Variants in BRAF observed in about 807,000 individuals in gnomAD.
The protein encoded by BRAF is serine/threonine-protein kinase B-raf.
A neutral mutation model predicts 104.6 loss-of-function variants in BRAF; 16 were observed. The observed-to-expected ratio is 0.15, with a 90% CI of 0.10 to 0.23. The LOEUF (loss-of-function observed/expected upper bound fraction) is 0.23, where lower values mean the gene tolerates loss of function less well. Ranked by LOEUF, BRAF falls within the 10% of genes least tolerant of loss-of-function variation. BRAF has a pLI of 1.00. For synonymous variants in BRAF, 310 were observed against 341.6 expected, an observed-to-expected ratio of 0.91 and a Z score of 1.02; for missense variants, 541 against 937.3, an observed-to-expected ratio of 0.58 and a Z score of 5.52.
chr7:140,919,687 G>T (rs995272053), intron 1 of BRAF, among the ~76,000 whole-genome samples: 1 of 151,938 alleles, frequency 6.6e-6, no homozygotes, highest in African/African-American at 2.4e-5. Context: ...AACAAATGAG[G>T]CTATATTTTT....
chr7:140,875,037 A>G (rs1400010335), intron 1 of BRAF, among the ~76,000 whole-genome samples: 1 of 152,136 alleles, frequency 6.6e-6, no homozygotes, highest in African/African-American at 2.4e-5. Flanking sequence ...AGAATCTGCT[A>G]TGTTTCCCGT....
chr7:140,821,573 G>A (rs1805493561), intron 3 of BRAF, among the ~76,000 whole-genome samples: 1 of 151,882 alleles, frequency 6.6e-6, no homozygotes, highest in Non-Finnish European at 1.5e-5. Flanking sequence ...CAAAGTGCTG[G>A]CAAAAAACAA....
chr7:140,809,127 C>A, intron 3 of BRAF, 132 bp from the exon 4 acceptor site: 1 of 681,674 alleles, frequency 1.5e-6, no homozygotes. Flanking sequence ...ACCATTTCTA[C>A]AGCTAACTTA....
At chr7:140,911,901 CAT>C (rs1237412178) in intron 1 of BRAF, among the ~76,000 whole-genome samples, 3 of 152,168 alleles carry the variant, frequency 2.0e-5, no homozygotes, top group Non-Finnish European at 4.4e-5. Context: ...GAAAATGACT[CAT>C]ATTGAGTGTT....
At chr7:140,747,542 T>A in intron 17 of BRAF, 1 of 455,822 alleles carries the variant, frequency 2.2e-6, no homozygotes. Flanking sequence ...ATTTTATTAT[T>A]GTACTAAGAT....
At chr7:140,727,185 CTTTT>C (rs927393889) in intron 19 of BRAF, among the ~76,000 whole-genome samples, 1 of 128,650 alleles carries the variant, frequency 7.8e-6, no homozygotes. Flanking sequence ...TTATTTTTTT[CTTTT>C]TTTTTTTTTT....
chr7:140,827,628 T>C (rs1467005440), intron 3 of BRAF, among the ~76,000 whole-genome samples: 2 of 152,236 alleles, frequency 1.3e-5, no homozygotes, highest in African/African-American at 4.8e-5. Context: ...CCAACTACCT[T>C]TGTGACACAG....
intron 1 of BRAF, among the ~76,000 whole-genome samples, chr7:140,903,854 T>A (rs910221949): frequency 1.3e-5 from 2 of 152,154 alleles, no homozygotes; most frequent in Non-Finnish European, 2.9e-5. Flanking sequence ...GTAGGTGTAG[T>A]AGAAGCAGCA....
chr7:140,804,840 C>G (rs997377668), intron 5 of BRAF, among the ~76,000 whole-genome samples: 7 of 151,632 alleles, frequency 4.6e-5, no homozygotes, highest in African/African-American at 1.7e-4. Context: ...GGGTCTTGCT[C>G]TGTTGCCCAG....
chr7:140,808,789 C>T, intron 4 of BRAF, 103 bp downstream of exon 4: 1 of 918,102 alleles, frequency 1.1e-6, no homozygotes, highest in South Asian at 1.3e-5. Context: ...TCCTAAAGTA[C>T]ACTTTCAATT....
chr7:140,756,793 A>C (rs1217046776), intron 14 of BRAF, among the ~76,000 whole-genome samples: 2 of 152,242 alleles, frequency 1.3e-5, no homozygotes, highest in Non-Finnish European at 2.9e-5. Flanking sequence ...TTCTCTTGAT[A>C]GGTTTCTCTT....
At chr7:140,916,303 C>T (rs1278102471) in intron 1 of BRAF, among the ~76,000 whole-genome samples, 2 of 152,046 alleles carry the variant, frequency 1.3e-5, no homozygotes, top group African/African-American at 4.8e-5. Context: ...CCCTATAGGC[C>T]CCACTGAAAA....
chr7:140,796,725 T>C (rs1272850709), intron 7 of BRAF, among the ~76,000 whole-genome samples: 1 of 152,172 alleles, frequency 6.6e-6, no homozygotes, highest in Non-Finnish European at 1.5e-5. Context: ...TCAGGGCAAG[T>C]ACAAGGGAAC....
chr7:140,851,261 T>C (rs956250754), intron 1 of BRAF, among the ~76,000 whole-genome samples: 1 of 152,198 alleles, frequency 6.6e-6, no homozygotes, highest in Non-Finnish European at 1.5e-5. Context: ...GAACTGGCTA[T>C]TAGGTTATAC....
intron 8 of BRAF, among the ~76,000 whole-genome samples, chr7:140,789,799 T>C (rs1224502554): frequency 6.6e-6 from 1 of 152,202 alleles, no homozygotes; most frequent in Non-Finnish European, 1.5e-5. Flanking sequence ...GGCACGATCT[T>C]AGCTCACTGC....
intron 1 of BRAF, among the ~76,000 whole-genome samples, chr7:140,859,199 G>A (rs1477357940): frequency 6.6e-6 from 1 of 152,192 alleles, no homozygotes. Context: ...AGAGTCAGAT[G>A]ACTCTAGAGG....
chr7:140,760,805 T>G (rs1375024289), intron 14 of BRAF, among the ~76,000 whole-genome samples: 1 of 151,618 alleles, frequency 6.6e-6, no homozygotes, highest in African/African-American at 2.4e-5. Flanking sequence ...GAAGATGAAA[T>G]GAATGAAATG....
chr7:140,753,454 T>C (rs1797951029), intron 15 of BRAF, 61 bp from the exon 15 acceptor site: 1 of 1,116,358 alleles, frequency 9.0e-7, no homozygotes, highest in South Asian at 1.2e-5. Flanking sequence ...GCAAGCATTA[T>C]GAAGAGTTTA....
At chr7:140,744,485 C>T (rs1797189687) in intron 17 of BRAF, among the ~76,000 whole-genome samples, 1 of 152,218 alleles carries the variant, frequency 6.6e-6, no homozygotes, top group Non-Finnish European at 1.5e-5. Context: ...TAACAGTTGT[C>T]AGTGAGTCTT....
Sources: allele counts gnomAD v4.1 joint callset (sites outside exome capture counted in the v4.1 genomes callset), GRCh38; gene constraint gnomAD v4.1.1; transcripts MANE v1.5; gene names NCBI Gene and HGNC (gene_info 2026-07-23, HGNC 2026-07-21).